USP14: variants seen among roughly 807,000 people sequenced by gnomAD.
USP14 encodes the protein ubiquitin carboxyl-terminal hydrolase 14.
A neutral mutation model predicts 76.5 loss-of-function variants in USP14; 38 were observed. The observed-to-expected ratio is 0.50, with a 90% CI of 0.38 to 0.65. The LOEUF is 0.65. Ranked by LOEUF, USP14 falls within the 30% of genes least tolerant of loss-of-function variation. The probability of loss-of-function intolerance (pLI) is 0.00; values close to 1 mark genes in which losing one functional copy is unlikely to be tolerated. For synonymous variants in USP14, 192 were observed against 191.7 expected (o/e 1.00, Z -0.01); for missense variants, 467 against 586.5 (o/e 0.80, Z 2.10).
rs1038580726 is a variant in USP14 at position 213,392 on chromosome 18, C to T, written c.*2108C>T. ...GATTTTTTTATTTGATCTAAAAAAGCATTATTCCAAAGAATTTTTTCAAGT... is the reference window on the plus strand; with the variant it reads ...GATTTTTTTATTTGATCTAAAAAAGTATTATTCCAAAGAATTTTTTCAAGT... On this transcript the variant is annotated 3_prime_UTR_variant, in exon 16 of 16. Coordinates refer to ENST00000261601, the MANE Select transcript of USP14 (RefSeq NM_005151.4). 1.3e-5 allele frequency: 2 copies of T among 151,860 alleles called. No homozygotes were observed. The highest frequency in any genetic ancestry group is 2.9e-5 in the Non-Finnish European group (2 of 67,938). The allele number at this position is 151,860 out of a possible 1,614,324, so 9.4% of individuals were successfully genotyped here. A position where few individuals can be genotyped will look rare whatever the true frequency, so the allele number is the denominator to read the frequency against.
intron 5 of USP14, among the ~76,000 whole-genome samples, chr18:182,128 G>A (rs942251569): frequency 6.6e-6 from 1 of 152,030 alleles, no homozygotes; most frequent in East Asian, 1.9e-4. Flanking sequence ...AGAACATTTT[G>A]TTTTTATACC....
intron 15 of USP14, 100 bp downstream of exon 15, chr18:210,593 C>A: frequency 1.3e-6 from 1 of 742,906 alleles, no homozygotes; most frequent in Non-Finnish European, 2.0e-6. Context: ...GTCTCAGAAC[C>A]ACTTTACATT....
intron 5 of USP14, 41 bp from the exon 6 acceptor site, chr18:192,800 TG>T: frequency 6.3e-7 from 1 of 1,594,912 alleles, no homozygotes; most frequent in Non-Finnish European, 8.6e-7. Flanking sequence ...AGTGTTAGAA[TG>T]AATTGAATTC....
chr18:160,156 C>G (rs1178685603), intron 1 of USP14, among the ~76,000 whole-genome samples: 1 of 152,018 alleles, frequency 6.6e-6, no homozygotes, highest in Non-Finnish European at 1.5e-5. Context: ...TACAAAAAAT[C>G]AGTCGAGAGT....
At chr18:177,219 A>C (rs1909650595) in intron 3 of USP14, among the ~76,000 whole-genome samples, 1 of 151,928 alleles carries the variant, frequency 6.6e-6, no homozygotes, top group East Asian at 1.9e-4. Flanking sequence ...GGTTATTGCT[A>C]GTGTATTCTT....
At position 209,965 on chromosome 18, in the gene USP14, C is replaced by T; in HGVS notation, c.1165-6C>T. On this transcript the variant is annotated splice_polypyrimidine_tract_variant and splice_region_variant and intron_variant, in intron 13 of 15. Coordinates refer to ENST00000261601, the MANE Select transcript of USP14 (RefSeq NM_005151.4). ...GATTTAAAATTAAACATTTTTTTCT[C>T]CTCAGAGTGACAAAAAGAGTAGTCC... is the stretch of plus-strand genomic sequence containing the variant. The T allele has an allele frequency of 6.3e-7, 1 of 1,592,782 alleles. No homozygotes were observed. The highest frequency in any genetic ancestry group is 1.1e-5 in the South Asian group (1 of 86,972).
At chr18:196,216 C>T (rs1228697985) in intron 6 of USP14, among the ~76,000 whole-genome samples, 7 of 151,888 alleles carry the variant, frequency 4.6e-5, no homozygotes, top group Non-Finnish European at 8.8e-5. Flanking sequence ...CCCAGCTACT[C>T]GGGAGGCCCT....
intron 3 of USP14, among the ~76,000 whole-genome samples, chr18:169,217 C>T (rs7238132): frequency 0.36 from 54,309 of 151,434 alleles, 10,120 homozygotes; most frequent in South Asian, 0.46. Flanking sequence ...ATGGTGAAAC[C>T]CCGTCTCTAT....
At position 158,647 on chromosome 18, in the gene USP14, G is replaced by C. The variant is rs1006011476; in HGVS notation, c.-52G>C. The C allele has an allele frequency of 1.3e-4, 199 of 1,511,418 alleles. 1 individual carries two copies. The East Asian group carries it at 5.2e-3, about 39-fold the overall frequency. 93.6% of individuals were successfully genotyped at this position (1,511,418 alleles called of 1,614,324 possible). Reference sequence around the variant, plus strand: ...TGCTCCTGGTCCCCGTCCCTTTGCCGCCCTCGTCAGGCCCAGCTCTCCTGC... The same window carrying C: ...TGCTCCTGGTCCCCGTCCCTTTGCCCCCCTCGTCAGGCCCAGCTCTCCTGC... On this transcript the variant is annotated 5_prime_UTR_variant, in exon 1 of 16. Coordinates refer to ENST00000261601, the MANE Select transcript of USP14 (RefSeq NM_005151.4).
intron 6 of USP14, among the ~76,000 whole-genome samples, chr18:193,503 T>C (rs551586017): frequency 2.6e-5 from 4 of 152,312 alleles, no homozygotes; most frequent in African/African-American, 9.6e-5. Context: ...GTTTTTTAGT[T>C]TATCCACAGA....
Position 195,762 on chromosome 18 carries a change from G to A in USP14, c.464-875G>A, listed in dbSNP as rs1271344990. 4.6e-5 allele frequency among the ~76,000 whole-genome samples: 7 copies of A among 152,252 alleles called. No homozygotes were observed. In the East Asian group the frequency reaches 1.4e-3, roughly 29 times the overall value. ...GGAGGTAAGTTGGGAGAGGTGACCC[G>A]CTATCCTGATCTTGGCAGAGTAGCA... On this transcript the variant is annotated intron_variant, in intron 6 of 15. Coordinates refer to ENST00000261601, the MANE Select transcript of USP14 (RefSeq NM_005151.4).
At chr18:196,015 G>A (rs964520143) in intron 6 of USP14, among the ~76,000 whole-genome samples, 8 of 152,040 alleles carry the variant, frequency 5.3e-5, no homozygotes, top group East Asian at 3.9e-4. Context: ...TTGTCAAAGA[G>A]TAGATACACT....
At chr18:201,840 T>C (rs1249248812) in intron 10 of USP14, among the ~76,000 whole-genome samples, 2 of 152,244 alleles carry the variant, frequency 1.3e-5, no homozygotes, top group African/African-American at 2.4e-5. Context: ...ATATACTTTC[T>C]TGAAAAACCT....
chr18:205,497 G>C (rs1039456271), intron 13 of USP14, among the ~76,000 whole-genome samples: 1 of 152,168 alleles, frequency 6.6e-6, no homozygotes, highest in African/African-American at 2.4e-5. Context: ...AAGTTGGCCA[G>C]GCATGGTGGC....
chr18:167,914 A>C (rs1448962955), intron 3 of USP14, among the ~76,000 whole-genome samples: 2 of 151,520 alleles, frequency 1.3e-5, no homozygotes, highest in African/African-American at 2.4e-5. Flanking sequence ...AGAATGTAAA[A>C]ATACAATTGA....
chr18:189,902 C>T (rs759449793), intron 5 of USP14, among the ~76,000 whole-genome samples: 5 of 152,212 alleles, frequency 3.3e-5, no homozygotes, highest in Non-Finnish European at 5.9e-5. Flanking sequence ...ACCCTTCTAG[C>T]ACTCTAAAAA....
At chr18:158,974 T>A in intron 1 of USP14, 1 of 416,652 alleles carries the variant, frequency 2.4e-6, no homozygotes, top group Non-Finnish European at 4.0e-6. Context: ...AAGTCGTGAC[T>A]CTGCAGAATA....
Position 211,910 on chromosome 18 carries a change from C to A in USP14, c.*626C>A, listed in dbSNP as rs1388459666. The A allele has an allele frequency of 1.4e-5, 2 of 147,720 alleles. No homozygotes were observed. The highest frequency in any genetic ancestry group is 3.0e-5 in the Non-Finnish European group (2 of 66,020). 9.2% of individuals were successfully genotyped at this position (147,720 alleles called of 1,614,324 possible). ...ATTATACATTTATTATTGTGTCTCTCTCTGATGTACTGTGGATTGTACATT... is the reference window on the plus strand; with the variant it reads ...ATTATACATTTATTATTGTGTCTCTATCTGATGTACTGTGGATTGTACATT... On this transcript the variant is annotated 3_prime_UTR_variant, in exon 16 of 16. Transcript: ENST00000261601.
At chr18:192,658 C>T (rs1044180688) in intron 5 of USP14, among the ~76,000 whole-genome samples, 184 bp from the exon 6 acceptor site, 1 of 152,166 alleles carries the variant, frequency 6.6e-6, no homozygotes, top group East Asian at 1.9e-4. Context: ...CCCTTTTCAG[C>T]ATTCCTTTTT....
Sources: allele counts gnomAD v4.1 joint callset (sites outside exome capture counted in the v4.1 genomes callset), GRCh38; gene constraint gnomAD v4.1.1; transcripts MANE v1.5; gene names NCBI Gene and HGNC (gene_info 2026-07-23, HGNC 2026-07-21).